The following PI4KA variants were observed in gnomAD, a reference collection of about 807,000 sequenced individuals.
The protein encoded by PI4KA is phosphatidylinositol 4-kinase alpha.
In PI4KA, 122 loss-of-function variants were observed where a neutral mutation model predicts 271.4. The ratio of observed to expected loss-of-function variants is 0.45; its 90% CI spans 0.39 to 0.52. The LOEUF (loss-of-function observed/expected upper bound fraction) is 0.52. Ranked by LOEUF, PI4KA falls within the 20% of genes least tolerant of loss-of-function variation. The probability of loss-of-function intolerance (pLI) is 0.00; values close to 1 mark genes in which losing one functional copy is unlikely to be tolerated. For synonymous variants in PI4KA, 1,041 were observed against 1,078.8 expected, an observed-to-expected ratio of 0.96 and a Z score of 0.69; for missense variants, 1,969 against 2,769.1, an observed-to-expected ratio of 0.71 and a Z score of 6.48.
At chr22:20,854,897 A>G (rs964205829) in intron 1 of PI4KA, among the ~76,000 whole-genome samples, 5 of 152,182 alleles carry the variant, frequency 3.3e-5, no homozygotes, top group Non-Finnish European at 7.4e-5. Context: ...CACGCCTGCA[A>G]TCCTGGCACT....
At chr22:20,796,093 G>A in intron 18 of PI4KA, 53 bp downstream of exon 18, 2 of 1,534,400 alleles carry the variant, frequency 1.3e-6, no homozygotes, top group Non-Finnish European at 1.8e-6. Flanking sequence ...ACTAAGCCTT[G>A]GCCAGCAGGG....
At chr22:20,719,934 G>A (rs1926497729) in intron 43 of PI4KA, among the ~76,000 whole-genome samples, 1 of 150,962 alleles carries the variant, frequency 6.6e-6, no homozygotes, top group Non-Finnish European at 1.5e-5. Flanking sequence ...GCTGAGGCAG[G>A]AGAATGGCGT....
chr22:20,720,208 G>A (rs963180985), intron 43 of PI4KA, among the ~76,000 whole-genome samples: 6 of 152,030 alleles, frequency 3.9e-5, no homozygotes, highest in African/African-American at 9.7e-5. Flanking sequence ...GTCCAGGTGC[G>A]ACGTAGACAG....
At position 20,798,973 on chromosome 22, in the gene PI4KA, G is replaced by A. The variant is rs572996177; in HGVS notation, c.2004+120C>T. The A allele has an allele frequency of 5.3e-5, 42 of 798,496 alleles. No individual in the cohort carries two copies. The Admixed American group carries it at 5.9e-4, about 11-fold the overall frequency. 49.5% of individuals were successfully genotyped at this position (798,496 alleles called of 1,614,324 possible). ...ATTCTTACTACTCCGCATTAAAACCGTTGTCAGCATTTAGCTCATCTGCAA... is the reference window on the plus strand; with the variant it reads ...ATTCTTACTACTCCGCATTAAAACCATTGTCAGCATTTAGCTCATCTGCAA... On this transcript the variant is annotated intron_variant, in intron 16 of 54. Transcript: ENST00000255882.
chr22:20,825,859 G>C (rs1923343962), intron 3 of PI4KA, among the ~76,000 whole-genome samples: 1 of 152,164 alleles, frequency 6.6e-6, no homozygotes, highest in South Asian at 2.1e-4. Flanking sequence ...CCAGAAAGTA[G>C]TTTTCCCATC....
At chr22:20,733,645 T>C (rs1601359552) in intron 35 of PI4KA, 91 bp downstream of exon 35, 3 of 1,605,152 alleles carry the variant, frequency 1.9e-6, no homozygotes, top group Non-Finnish European at 2.6e-6. Context: ...TGTGTATTCC[T>C]GTGAGTGACT....
In PI4KA at chr22:20,712,420, G is replaced by A. The variant is rs1925412544; in HGVS notation, c.5802+66C>T. The A allele has an allele frequency of 3.1e-6, 5 of 1,588,350 alleles. No individual in the cohort carries two copies. The South Asian group carries it at 5.7e-5, about 18-fold the overall frequency. ...GAGAGCAGGGTGTGGGTGGAGGCTG[G>A]GTATGGGTGGCTGGGGTGGGGTGGA... On this transcript the variant is annotated intron_variant, in intron 50 of 54. Coordinates refer to ENST00000255882, the MANE Select transcript of PI4KA (RefSeq NM_058004.4).
At chr22:20,731,305 G>A (rs1414621099) in intron 36 of PI4KA, among the ~76,000 whole-genome samples, 1 of 152,198 alleles carries the variant, frequency 6.6e-6, no homozygotes, top group East Asian at 1.9e-4. Context: ...GGCCTGTGGG[G>A]GCAGACTGTA....
chr22:20,798,427 C>T, intron 17 of PI4KA, 157 bp downstream of exon 17: 1 of 621,990 alleles, frequency 1.6e-6, no homozygotes, highest in Non-Finnish European at 2.9e-6. Flanking sequence ...GTGGGGGCCA[C>T]ATTGGGTTTT....
intron 19 of PI4KA, chr22:20,786,094 T>C (rs757016825): frequency 6.2e-7 from 1 of 1,614,142 alleles, no homozygotes; most frequent in South Asian, 1.1e-5. Context: ...GGATGCTGTT[T>C]GACAAAAATG....
rs773122931 is a variant in PI4KA at position 20,765,576 on chromosome 22, T to G, written c.2437+9A>C. Reference sequence around the variant, plus strand: ...TCCGTCTTCACTGGGAGAGAGATGATCCCCCTACCTGAGCCCTCCACAGCG... The same window carrying G: ...TCCGTCTTCACTGGGAGAGAGATGAGCCCCCTACCTGAGCCCTCCACAGCG... On this transcript the variant is annotated intron_variant, in intron 20 of 54. Transcript: ENST00000255882. 3 of 1,550,920 alleles carry G rather than the reference T, an allele frequency of 1.9e-6. No individual in the cohort carries two copies. Among genetic ancestry groups the G allele is most frequent in the Non-Finnish European group, 2.7e-6 (3 of 1,123,734 alleles).
At chr22:20,811,784 C>T (rs1569061498) in intron 8 of PI4KA, among the ~76,000 whole-genome samples, 1 of 151,916 alleles carries the variant, frequency 6.6e-6, no homozygotes, top group Non-Finnish European at 1.5e-5. Flanking sequence ...GAGGCCGAGG[C>T]AGGCGGATAA....
intron 19 of PI4KA, among the ~76,000 whole-genome samples, chr22:20,791,322 C>A (rs1026075282): frequency 6.6e-6 from 1 of 152,234 alleles, no homozygotes; most frequent in Non-Finnish European, 1.5e-5. Context: ...GAGCCTGCTG[C>A]CAACAGAGTG....
At chr22:20,749,728 C>T (rs1365952588) in intron 28 of PI4KA, among the ~76,000 whole-genome samples, 177 bp downstream of exon 28, 4 of 152,374 alleles carry the variant, frequency 2.6e-5, no homozygotes, top group Non-Finnish European at 4.4e-5. Flanking sequence ...GCCCCACAGG[C>T]GCTCCTAACA....
At chr22:20,796,374 G>A (rs1016017404) in intron 17 of PI4KA, 60 bp from the exon 18 acceptor site, 20 of 1,528,774 alleles carry the variant, frequency 1.3e-5, no homozygotes, top group African/African-American at 4.1e-5. Flanking sequence ...CCCAAGGGAC[G>A]GCACTGCAGG....
chr22:20,771,487 G>A (rs1932872031), intron 19 of PI4KA, among the ~76,000 whole-genome samples: 1 of 152,034 alleles, frequency 6.6e-6, no homozygotes, highest in African/African-American at 2.4e-5. Context: ...AAATGTCAAT[G>A]TCAAGAGGGA....
Position 20,784,236 on chromosome 22 carries a change from T to C in PI4KA, c.2328+8957A>G, listed in dbSNP as rs1569029318. The C allele has an allele frequency of 2.5e-6, 4 of 1,614,144 alleles. No homozygotes were observed. The East Asian group carries it at 6.7e-5, about 27-fold the overall frequency. The stretch of plus-strand genomic sequence containing the variant: ...GTGGTGGAGAGATGGCAAAAAAGCA[T>C]GACAAACAGGTATTTCACACTGTGT... On this transcript the variant is annotated intron_variant, in intron 19 of 54. Coordinates refer to ENST00000255882, the MANE Select transcript of PI4KA (RefSeq NM_058004.4).
At chr22:20,785,723 A>G (rs1331123013) in intron 19 of PI4KA, among the ~76,000 whole-genome samples, 1 of 152,198 alleles carries the variant, frequency 6.6e-6, no homozygotes, top group Non-Finnish European at 1.5e-5. Flanking sequence ...TAAACCATAA[A>G]CCAGGAAAAG....
chr22:20,734,789 C>T (rs1928514394), intron 32 of PI4KA: 1 of 644,544 alleles, frequency 1.6e-6, no homozygotes, highest in South Asian at 2.0e-5. Flanking sequence ...CCCGGTTCAC[C>T]GTGTGGACAT....
Sources: allele counts gnomAD v4.1 joint callset (sites outside exome capture counted in the v4.1 genomes callset), GRCh38; gene constraint gnomAD v4.1.1; transcripts MANE v1.5; gene names NCBI Gene and HGNC (gene_info 2026-07-23, HGNC 2026-07-21).